The following COL14A1 variants were observed in gnomAD, a reference collection of about 807,000 sequenced individuals.
COL14A1 encodes the protein collagen type XIV alpha 1 chain.
In COL14A1, 136 loss-of-function variants were observed where a neutral mutation model predicts 230.3. The ratio of observed to expected loss-of-function variants is 0.59; its 90% CI spans 0.51 to 0.68. COL14A1 has a LOEUF of 0.68. COL14A1 is among the 30% of genes least tolerant of loss of function. COL14A1 has a pLI of 0.00. For missense variants in COL14A1, 1,976 were observed against 2,215.8 expected (o/e 0.89, Z 2.17); for synonymous variants, 792 against 784.1 (o/e 1.01, Z -0.17).
chr8:120,349,918 C>A (rs1437652958), intron 45 of COL14A1, among the ~76,000 whole-genome samples: 1 of 144,566 alleles, frequency 6.9e-6, no homozygotes, highest in Non-Finnish European at 1.5e-5. Flanking sequence ...AAGAGCAACT[C>A]CAAGACACAT....
At chr8:120,218,318 A>G (rs1257285874) in intron 14 of COL14A1, among the ~76,000 whole-genome samples, 1 of 146,000 alleles carries the variant, frequency 6.8e-6, no homozygotes, top group Admixed American at 7.1e-5. Context: ...TCATATATAT[A>G]TACATATTTG....
intron 25 of COL14A1, 40 bp from the exon 26 acceptor site, chr8:120,269,995 T>G: frequency 6.2e-7 from 1 of 1,607,118 alleles, no homozygotes; most frequent in Non-Finnish European, 8.5e-7. Flanking sequence ...TACTAACTTT[T>G]CCCCTTATCT....
chr8:120,278,785 C>A (rs1819936433), intron 28 of COL14A1, among the ~76,000 whole-genome samples: 1 of 151,956 alleles, frequency 6.6e-6, no homozygotes, highest in Admixed American at 6.6e-5. Context: ...TTTTCTCTAA[C>A]ACTTTTGTTA....
At chr8:120,262,142 G>T (rs1173170828) in intron 23 of COL14A1, among the ~76,000 whole-genome samples, 2 of 152,030 alleles carry the variant, frequency 1.3e-5, no homozygotes, top group African/African-American at 4.8e-5. Flanking sequence ...ATTGGGCTGT[G>T]TTCAGAAAAT....
chr8:120,258,709 G>A (rs1159141028), intron 23 of COL14A1, among the ~76,000 whole-genome samples: 2 of 152,150 alleles, frequency 1.3e-5, no homozygotes, highest in African/African-American at 4.8e-5. Flanking sequence ...TTTTGACTCA[G>A]TCATCCATTT....
intron 5 of COL14A1, among the ~76,000 whole-genome samples, chr8:120,181,172 A>T (rs943513401): frequency 1.3e-5 from 2 of 151,272 alleles, no homozygotes; most frequent in Non-Finnish European, 2.9e-5. Context: ...TAACTGAGAT[A>T]TCTGGATTGA....
intron 26 of COL14A1, among the ~76,000 whole-genome samples, chr8:120,272,810 A>G (rs62527048): frequency 0.13 from 20,279 of 151,582 alleles, 1,482 homozygotes; most frequent in Non-Finnish European, 0.16. Context: ...AATTACTGCT[A>G]GACCTAAGAA....
intron 45 of COL14A1, among the ~76,000 whole-genome samples, chr8:120,349,726 T>C (rs1822673477): frequency 8.2e-6 from 1 of 122,384 alleles, no homozygotes; most frequent in Non-Finnish European, 1.7e-5. Flanking sequence ...CCAAGAAATA[T>C]GGGACTATGT....
At chr8:120,249,786 A>T (rs1818882795) in intron 21 of COL14A1, among the ~76,000 whole-genome samples, 1 of 152,228 alleles carries the variant, frequency 6.6e-6, no homozygotes, top group African/African-American at 2.4e-5. Flanking sequence ...AAGTGGGAGA[A>T]ATATACATGT....
chr8:120,278,647 A>G, intron 28 of COL14A1, 69 bp downstream of exon 28: 1 of 1,472,094 alleles, frequency 6.8e-7, no homozygotes, highest in Non-Finnish European at 9.3e-7. Flanking sequence ...ATACAAATTT[A>G]TAGGCTATAT....
rs760034485 is a variant in COL14A1, at chr8:120,369,485, GGTAA to G, written c.5311+3_5311+6del. ...ATCATGTTCTGCCTATGGTGTGAGA[GGTAA>G]GTGTCACAAAAAGCCCCGCTTGTGG... On this transcript the variant is annotated splice_donor_variant and splice_donor_region_variant and intron_variant, in intron 47 of 47. Transcript: ENST00000297848. LOFTEE classifies it high-confidence loss of function. 1.9e-6 allele frequency: 3 copies of G among 1,550,320 alleles called. No homozygotes were observed. The highest frequency in any genetic ancestry group is 1.7e-6 in the Non-Finnish European group (2 of 1,145,634).
intron 2 of COL14A1, among the ~76,000 whole-genome samples, chr8:120,153,997 G>C (rs189011422): frequency 6.6e-6 from 1 of 152,082 alleles, no homozygotes; most frequent in Non-Finnish European, 1.5e-5. Context: ...CCTATGCAGT[G>C]GGGGAGGTAG....
intron 26 of COL14A1, among the ~76,000 whole-genome samples, chr8:120,276,136 A>T: frequency 6.6e-6 from 1 of 150,928 alleles, no homozygotes; most frequent in Admixed American, 6.6e-5. Flanking sequence ...AAAAAAATAT[A>T]TTATATATAT....
chr8:120,357,814 T>A (rs1823038377), intron 45 of COL14A1, among the ~76,000 whole-genome samples: 1 of 152,118 alleles, frequency 6.6e-6, no homozygotes, highest in Non-Finnish European at 1.5e-5. Context: ...CATCCAAATG[T>A]CAGATGTAGG....
At chr8:120,219,553 AG>A (rs1242903702) in intron 14 of COL14A1, among the ~76,000 whole-genome samples, 1 of 152,112 alleles carries the variant, frequency 6.6e-6, no homozygotes, top group Non-Finnish European at 1.5e-5. Context: ...GGAGCAGACA[AG>A]CTCCCATGGG....
chr8:120,126,563 G>A (rs1429300327), intron 1 of COL14A1, among the ~76,000 whole-genome samples: 1 of 152,210 alleles, frequency 6.6e-6, no homozygotes, highest in Non-Finnish European at 1.5e-5. Context: ...GTGGAGAGGA[G>A]AGCAGAAATG....
intron 47 of COL14A1, 130 bp from the exon 48 acceptor site, chr8:120,371,022 G>A: frequency 9.6e-7 from 1 of 1,041,852 alleles, no homozygotes; most frequent in Non-Finnish European, 1.4e-6. Context: ...AAGGGGCGTG[G>A]TGGATTAAGA....
At chr8:120,350,205 C>T (rs964565389) in intron 45 of COL14A1, among the ~76,000 whole-genome samples, 2 of 152,098 alleles carry the variant, frequency 1.3e-5, no homozygotes, top group African/African-American at 4.8e-5. Context: ...TTGTCACCAC[C>T]ATGCCTGCCC....
chr8:120,260,007 A>G (rs769102894), intron 23 of COL14A1, among the ~76,000 whole-genome samples: 14 of 152,190 alleles, frequency 9.2e-5, no homozygotes, highest in Admixed American at 2.0e-4. Context: ...CACATAATAT[A>G]TAATCTCACA....
Sources: allele counts gnomAD v4.1 joint callset (sites outside exome capture counted in the v4.1 genomes callset), GRCh38; gene constraint gnomAD v4.1.1; transcripts MANE v1.5; gene names NCBI Gene and HGNC (gene_info 2026-07-23, HGNC 2026-07-21).